RGL1: variants seen among roughly 807,000 people sequenced by gnomAD.
The protein encoded by RGL1 is ral guanine nucleotide dissociation stimulator like 1.
Under a neutral mutation model 95.2 loss-of-function variants are expected in RGL1, and 24 were observed. The observed-to-expected ratio is 0.25, with a 90% CI of 0.18 to 0.35. The LOEUF is 0.35. RGL1 is among the 10% of genes least tolerant of loss of function. RGL1 has a pLI of 1.00. For missense variants in RGL1, 715 were observed against 936.3 expected (o/e 0.76, Z 3.08); for synonymous variants, 329 against 344.9 (o/e 0.95, Z 0.51).
chr1:183,681,520 G>T (rs554704282), intron 1 of RGL1, among the ~76,000 whole-genome samples: 1 of 152,230 alleles, frequency 6.6e-6, no homozygotes, highest in Non-Finnish European at 1.5e-5. Flanking sequence ...TCCCAGGGAT[G>T]AAGCTGACTT....
intron 1 of RGL1, among the ~76,000 whole-genome samples, chr1:183,682,644 T>C (rs1356746036): frequency 6.6e-6 from 1 of 152,200 alleles, no homozygotes; most frequent in Non-Finnish European, 1.5e-5. Flanking sequence ...GTATATTCTG[T>C]TGATTTGGGG....
At chr1:183,756,050 G>A (rs12070290) in intron 2 of RGL1, among the ~76,000 whole-genome samples, 67,509 of 151,590 alleles carry the variant, frequency 0.45, 16,069 homozygotes, top group East Asian at 0.8. Flanking sequence ...TGCCCAGCTA[G>A]TTTTTTGTAT....
chr1:183,905,030 AT>A (rs2102708721), intron 13 of RGL1, 59 bp downstream of exon 13: 2 of 1,570,168 alleles, frequency 1.3e-6, no homozygotes, highest in South Asian at 2.4e-5. Context: ...AAAATGCTGC[AT>A]TTAATACCTC....
At chr1:183,741,703 T>C (rs191047017) in intron 1 of RGL1, among the ~76,000 whole-genome samples, 94 of 152,360 alleles carry the variant, frequency 6.2e-4, no homozygotes, top group African/African-American at 2.2e-3. Flanking sequence ...AAGTGCATAA[T>C]AGATGTTTGA....
chr1:183,913,610 G>C (rs1668792688), intron 15 of RGL1, among the ~76,000 whole-genome samples: 2 of 152,186 alleles, frequency 1.3e-5, no homozygotes, highest in African/African-American at 4.8e-5. Flanking sequence ...GGCTAACCAA[G>C]CTTACTCAAT....
intron 1 of RGL1, among the ~76,000 whole-genome samples, chr1:183,682,846 G>A (rs76567067): frequency 6.6e-6 from 1 of 152,048 alleles, no homozygotes; most frequent in Admixed American, 6.6e-5. Context: ...ATAAATCTAG[G>A]TGCTCTTGTA....
At chr1:183,732,771 A>G (rs188872264) in intron 1 of RGL1, among the ~76,000 whole-genome samples, 8 of 152,308 alleles carry the variant, frequency 5.3e-5, no homozygotes, top group African/African-American at 1.9e-4. Flanking sequence ...TGCAATTTTA[A>G]AGAAAAAAAA....
intron 2 of RGL1, among the ~76,000 whole-genome samples, chr1:183,760,088 T>C (rs1316529318): frequency 6.6e-6 from 1 of 152,210 alleles, no homozygotes. Context: ...GTTTTCCCAG[T>C]GCATATAAAA....
At chr1:183,908,468 CCT>C (rs1325576789) in intron 14 of RGL1, among the ~76,000 whole-genome samples, 2 of 152,134 alleles carry the variant, frequency 1.3e-5, no homozygotes, top group African/African-American at 4.8e-5. Context: ...TTTTGCTCAC[CCT>C]CTCTTTGTTC....
At chr1:183,689,026 C>T (rs1021091597) in intron 1 of RGL1, among the ~76,000 whole-genome samples, 3 of 151,992 alleles carry the variant, frequency 2.0e-5, no homozygotes, top group African/African-American at 4.8e-5. Context: ...TATTTTATCC[C>T]TTAAAGGCAG....
intron 1 of RGL1, among the ~76,000 whole-genome samples, chr1:183,679,376 A>G (rs1290982141): frequency 5.3e-5 from 8 of 151,620 alleles, no homozygotes; most frequent in Non-Finnish European, 1.2e-4. Context: ...TCCTAATGCT[A>G]TCCCTCCCCT....
chr1:183,808,234 C>T (rs1456376134), intron 2 of RGL1, among the ~76,000 whole-genome samples: 2 of 152,212 alleles, frequency 1.3e-5, no homozygotes, highest in African/African-American at 4.8e-5. Context: ...CACTAGACTT[C>T]ACTTCTTTTC....
rs539024671 is a variant in RGL1 at position 183,780,000 on chromosome 1, T to C, written c.133-26375T>C. Reference sequence around the variant, plus strand: ...TGCTCAGATCAAATAGTGTCTAAAATGTTGATTCAGTTTAGTTTTATATAA... The same window carrying C: ...TGCTCAGATCAAATAGTGTCTAAAACGTTGATTCAGTTTAGTTTTATATAA... On this transcript the variant is annotated intron_variant, in intron 2 of 18. Transcript: ENST00000304685. 1.2e-4 allele frequency among the ~76,000 whole-genome samples: 19 copies of C among 152,294 alleles called. No individual in the cohort carries two copies. The East Asian group carries it at 3.7e-3, about 29-fold the overall frequency.
At chr1:183,829,257 T>G (rs7522656) in intron 2 of RGL1, among the ~76,000 whole-genome samples, 2,604 of 152,024 alleles carry the variant, frequency 0.017, 66 homozygotes, top group African/African-American at 0.054. Flanking sequence ...CTGGGCAATA[T>G]AGTGAGACCT....
intron 1 of RGL1, chr1:183,648,233 C>G (rs892864012): frequency 6.2e-7 from 1 of 1,614,182 alleles, no homozygotes; most frequent in Non-Finnish European, 8.5e-7. Flanking sequence ...TCAAAACAAC[C>G]CGCGGCCATA....
chr1:183,905,539 A>AAGAGAACATTCCAGACCGAG (rs1258808265), intron 13 of RGL1, among the ~76,000 whole-genome samples: 1 of 152,226 alleles, frequency 6.6e-6, no homozygotes, highest in African/African-American at 2.4e-5. Flanking sequence ...TAAGAACCGG[A>AAGAGAACATTCCAGACCGAG]AGAGAACATT....
intron 3 of RGL1, among the ~76,000 whole-genome samples, chr1:183,862,974 G>C (rs1665604354): frequency 6.6e-6 from 1 of 152,200 alleles, no homozygotes; most frequent in Non-Finnish European, 1.5e-5. Flanking sequence ...TGTTACAGTT[G>C]GTTTGTATTT....
intron 12 of RGL1, among the ~76,000 whole-genome samples, chr1:183,903,305 T>C (rs988049736): frequency 2.0e-5 from 3 of 152,132 alleles, no homozygotes; most frequent in Non-Finnish European, 4.4e-5. Context: ...TTCTTTCCCT[T>C]TCGTGTCAGC....
chr1:183,800,099 T>G (rs1660909618), intron 2 of RGL1, among the ~76,000 whole-genome samples: 1 of 152,248 alleles, frequency 6.6e-6, no homozygotes, highest in Non-Finnish European at 1.5e-5. Context: ...TAAACTCATA[T>G]GCCATATGTC....
Sources: allele counts gnomAD v4.1 joint callset (sites outside exome capture counted in the v4.1 genomes callset), GRCh38; gene constraint gnomAD v4.1.1; transcripts MANE v1.5; gene names NCBI Gene and HGNC (gene_info 2026-07-23, HGNC 2026-07-21).